The following RCBTB1 variants were observed in gnomAD, a reference collection of about 807,000 sequenced individuals.
The protein encoded by RCBTB1 is RCC1 and BTB domain-containing protein 1.
RCBTB1 carries 46 observed loss-of-function variants against 62.4 expected under a neutral mutation model. That is an observed-to-expected ratio of 0.74 (90% confidence interval 0.58 to 0.94). The LOEUF (loss-of-function observed/expected upper bound fraction) is 0.94, where lower values mean the gene tolerates loss of function less well. Ranked by LOEUF, RCBTB1 falls within the 40% of genes least tolerant of loss-of-function variation. The pLI is 0.00. For missense variants in RCBTB1, 565 were observed against 654.9 expected, an observed-to-expected ratio of 0.86 and a Z score of 1.50; for synonymous variants, 222 against 245.8, an observed-to-expected ratio of 0.90 and a Z score of 0.91.
rs1429487486 is a variant in RCBTB1, at chr13:49,551,406, TC to T, written c.773del (p.Gly258GlufsTer17). The T allele has an allele frequency of 6.2e-7, 1 of 1,614,080 alleles. No individual in the cohort carries two copies. Among genetic ancestry groups the T allele is most frequent in the Non-Finnish European group, 8.5e-7 (1 of 1,180,012 alleles). ...LTDEGLLYAW[G>X]ANTYGQLGTG... ...TTCCCAGCTGCCCATATGTGTTAGC[TC>T]CCCAGGCATACAGCAAGCCCTCATC... is the stretch of plus-strand genomic sequence containing the variant. On this transcript the variant is annotated frameshift_variant, in exon 8 of 13. Coordinates refer to ENST00000378302, the MANE Select transcript of RCBTB1 (RefSeq NM_018191.4). LOFTEE classifies it high-confidence loss of function.
In RCBTB1 at chr13:49,566,628, G is replaced by A; in HGVS notation, c.267C>T (p.Leu89=). The A allele has an allele frequency of 1.9e-6, 3 of 1,612,748 alleles. No individual in the cohort carries two copies. The highest frequency in any genetic ancestry group is 3.4e-5 in the Admixed American group (2 of 59,650). Residue 89 remains leucine, a synonymous_variant, in exon 4 of 13, where the codon CTC becomes CTT. Coordinates refer to ENST00000378302, the MANE Select transcript of RCBTB1 (RefSeq NM_018191.4). ...LSYGSGPHVL[L]STEDGVVYAW... ...GGGTTCCCTCCTTACCTTCGGTGCT[G>A]AGAAGAACATGTGGTCCACTCCCGT...
At chr13:49,551,653 C>G (rs902215218) in intron 7 of RCBTB1, among the ~76,000 whole-genome samples, 185 bp from the exon 8 acceptor site, 1 of 152,188 alleles carries the variant, frequency 6.6e-6, no homozygotes, top group Non-Finnish European at 1.5e-5. Context: ...GTAATCCCAG[C>G]GCTTTGGGAG....
chr13:49,552,136 AG>A, intron 7 of RCBTB1, 41 bp downstream of exon 7: 2 of 1,247,632 alleles, frequency 1.6e-6, no homozygotes, highest in Non-Finnish European at 2.3e-6. Flanking sequence ...AGAGCAAGGA[AG>A]GTAGATGGGA....
intron 12 of RCBTB1, among the ~76,000 whole-genome samples, chr13:49,535,892 A>G (rs1043026551): frequency 2.0e-5 from 3 of 151,972 alleles, no homozygotes; most frequent in Non-Finnish European, 2.9e-5. Context: ...GTGTGGTGGC[A>G]AGCACCTGTA....
rs1960376622 is a variant in RCBTB1, at chr13:49,541,697, G to A, written c.1303C>T (p.Leu435=). ...LQYLYTDTVD[L]PPEDAIGLLD... ...GTACCTATAGCATCTTCTGGCGGCA[G>A]GTCGACTGTGTCTGTGTAGAGGTAC... is the stretch of plus-strand genomic sequence containing the variant. The change falls in exon 11 of 13, where the codon CTG becomes TTG. Residue 435 remains leucine, a synonymous_variant. Transcript: ENST00000378302. 1 of 1,612,720 alleles carries A rather than the reference G, an allele frequency of 6.2e-7. No individual in the cohort carries two copies. Among genetic ancestry groups the A allele is most frequent in the South Asian group, 1.1e-5 (1 of 90,756 alleles).
chr13:49,540,730 G>A, intron 12 of RCBTB1, 146 bp downstream of exon 12: 2 of 772,732 alleles, frequency 2.6e-6, no homozygotes, highest in East Asian at 5.8e-5. Context: ...AAGAAGCAAG[G>A]GCAGATTTCA....
At chr13:49,549,090 C>T (rs1288247947) in intron 9 of RCBTB1, among the ~76,000 whole-genome samples, 1 of 137,798 alleles carries the variant, frequency 7.3e-6, no homozygotes, top group Admixed American at 7.0e-5. Flanking sequence ...CGAGATTGCA[C>T]CACTGCACTC....
intron 9 of RCBTB1, chr13:49,546,952 T>C (rs1960836445): frequency 1.0e-6 from 1 of 985,202 alleles, no homozygotes; most frequent in African/African-American, 1.7e-5. Context: ...TTTTCCAAAC[T>C]TAACATTTAA....
chr13:49,549,392 C>A, intron 9 of RCBTB1, 66 bp downstream of exon 9: 1 of 1,470,178 alleles, frequency 6.8e-7, no homozygotes, highest in Non-Finnish European at 9.2e-7. Context: ...CCAGCAAAGA[C>A]ACAGGAAAAC....
Position 49,555,563 on chromosome 13 carries a change from G to A in RCBTB1, c.555C>T (p.Gly185=). Residue 185 remains glycine, a synonymous_variant, in exon 6 of 13, where the codon GGC becomes GGT. Transcript: ENST00000378302. ...TNCLHIKRVV[G]IACGQTSSMA... The stretch of plus-strand genomic sequence containing the variant: ...TGGATGAAGTCTGACCACAGGCAAT[G>A]CCAACTACCCTCTTAATATGTAAAC... 1 of 1,613,866 alleles carries A rather than the reference G, an allele frequency of 6.2e-7. No homozygotes were observed. The highest frequency in any genetic ancestry group is 8.5e-7 in the Non-Finnish European group (1 of 1,179,746).
chr13:49,549,080 C>T lies in RCBTB1; in HGVS notation c.1045+378G>A, dbSNP rs1159577722. ...TCGGGAGGTGGAGGTTGCAGTGAGCCGAGATTGCACCACTGCACTCCAGCC... is the reference window on the plus strand; with the variant it reads ...TCGGGAGGTGGAGGTTGCAGTGAGCTGAGATTGCACCACTGCACTCCAGCC... On this transcript the variant is annotated intron_variant, in intron 9 of 12. Coordinates refer to ENST00000378302, the MANE Select transcript of RCBTB1 (RefSeq NM_018191.4). 3.7e-5 allele frequency among the ~76,000 whole-genome samples: 5 copies of T among 135,298 alleles called. 1 individual carries two copies. Among genetic ancestry groups the T allele is most frequent in the South Asian group, 5.1e-4 (2 of 3,908 alleles). The allele number at this position is 135,298 out of a possible 152,430, so 88.8% of individuals were successfully genotyped here. A position where few individuals can be genotyped will look rare whatever the true frequency, so the allele number is the denominator to read the frequency against.
chr13:49,561,715 T>C (rs922478505), intron 4 of RCBTB1, among the ~76,000 whole-genome samples: 1 of 151,628 alleles, frequency 6.6e-6, no homozygotes, highest in Admixed American at 6.6e-5. Flanking sequence ...GAAAGTTTAA[T>C]GGGAAGAATA....
At chr13:49,579,451 G>A (rs894971127) in intron 2 of RCBTB1, among the ~76,000 whole-genome samples, 1 of 152,000 alleles carries the variant, frequency 6.6e-6, no homozygotes, top group African/African-American at 2.4e-5. Flanking sequence ...GCGAAACCCC[G>A]TCTCTACTAA....
intron 5 of RCBTB1, among the ~76,000 whole-genome samples, chr13:49,558,851 G>T (rs2139224015): frequency 6.6e-6 from 1 of 152,168 alleles, no homozygotes; most frequent in South Asian, 2.1e-4. Flanking sequence ...TGTAATTTTT[G>T]CTTTGCAAAC....
chr13:49,551,356 C>T lies in RCBTB1; in HGVS notation c.824G>A (p.Ser275Asn). The change falls in exon 8 of 13, where the codon AGC (serine) becomes AAC (asparagine). Residue 275 changes from serine to asparagine, a missense_variant. Physicochemically the swap from Ser to Asn is conservative, Grantham distance 46. Transcript: ENST00000378302. ...TTTCTCCACCATGATGTGTGCTGGGCTTAGCAGGTTATTTTTATTGCCAGT... is the reference window on the plus strand; with the variant it reads ...TTTCTCCACCATGATGTGTGCTGGGTTTAGCAGGTTATTTTTATTGCCAGT... ...LGTGNKNNLL[S>N]PAHIMVEKER... The T allele has an allele frequency of 6.2e-7, 1 of 1,614,184 alleles. No homozygotes were observed. Among genetic ancestry groups the T allele is most frequent in the South Asian group, 1.1e-5 (1 of 91,084 alleles).
chr13:49,578,624 CAT>C lies in RCBTB1; in HGVS notation c.-42+1879_-42+1880del, dbSNP rs577383111. 8.5e-4 allele frequency among the ~76,000 whole-genome samples: 129 copies of C among 152,302 alleles called. 1 individual carries two copies. Among genetic ancestry groups the C allele is most frequent in the African/African-American group, 2.9e-3 (119 of 41,562 alleles). ...ATGCAAGTATATGGTCCATGTGACA[CAT>C]GTTAATATGTCAAATAGGAAATAAT... On this transcript the variant is annotated intron_variant, in intron 2 of 12. Coordinates refer to ENST00000378302, the MANE Select transcript of RCBTB1 (RefSeq NM_018191.4).
intron 12 of RCBTB1, among the ~76,000 whole-genome samples, chr13:49,539,144 G>A (rs759004113): frequency 1.3e-5 from 2 of 150,154 alleles, no homozygotes; most frequent in East Asian, 2.0e-4. Flanking sequence ...GGGATTACAG[G>A]CGTGATCTCC....
At chr13:49,565,587 C>T (rs1209126677) in intron 4 of RCBTB1, among the ~76,000 whole-genome samples, 2 of 128,760 alleles carry the variant, frequency 1.6e-5, no homozygotes, top group Admixed American at 7.2e-5. Flanking sequence ...TCTGCCCGGC[C>T]GCCCATCGTC....
At chr13:49,581,396 T>A (rs2137401405) in intron 1 of RCBTB1, among the ~76,000 whole-genome samples, 1 of 152,122 alleles carries the variant, frequency 6.6e-6, no homozygotes, top group Middle Eastern at 3.4e-3. Flanking sequence ...TGAGCTTGAG[T>A]GAGAGAGAAC....
Sources: gnomAD v4.1 joint callset for allele counts (sites outside exome capture counted in the v4.1 genomes callset) on GRCh38, gnomAD v4.1.1 for gene constraint, MANE v1.5 for transcripts, NCBI Gene and HGNC (gene_info 2026-07-23, HGNC 2026-07-21) for gene names.